TGM5: variants seen among roughly 807,000 people sequenced by gnomAD.
The protein encoded by TGM5 is protein-glutamine gamma-glutamyltransferase 5.
In TGM5, 69 loss-of-function variants were observed where a neutral mutation model predicts 77.2. That is an observed-to-expected ratio of 0.89 (90% CI 0.74 to 1.09). The LOEUF is 1.09. Ranked by LOEUF, TGM5 falls within the 50% of genes least tolerant of loss-of-function variation. The pLI is 0.00. For missense variants in TGM5, 842 were observed against 896.5 expected (o/e 0.94, Z 0.78); for synonymous variants, 346 against 351.8 (o/e 0.98, Z 0.18).
intron 1 of TGM5, among the ~76,000 whole-genome samples, chr15:43,262,652 G>C (rs1051642903): frequency 6.6e-6 from 1 of 152,130 alleles, no homozygotes; most frequent in Admixed American, 6.5e-5. Flanking sequence ...GGGCGTGGTG[G>C]TGGGCCCCTG....
Position 43,252,823 on chromosome 15 carries a change from G to C in TGM5, c.798C>G (p.Asn266Lys). 1 of 1,614,056 alleles carries C rather than the reference G, an allele frequency of 6.2e-7. No individual in the cohort carries two copies. ...TGSVAILKQW[N>K]ATGCQPVRYG... ...AGCGCACGGGCTGGCAGCCTGTGGCGTTCCACTGCTTCAGGATGGCCACGC... is the reference window on the plus strand; with the variant it reads ...AGCGCACGGGCTGGCAGCCTGTGGCCTTCCACTGCTTCAGGATGGCCACGC... The change falls in exon 6 of 13, where the codon AAC becomes AAG. Residue 266 changes from asparagine (N) to lysine (K), a missense_variant. Asn to Lys is a moderately conservative substitution (Grantham distance 94). Transcript: ENST00000220420.
intron 6 of TGM5, among the ~76,000 whole-genome samples, chr15:43,250,194 AGAT>A (rs765330260): frequency 6.6e-6 from 1 of 152,154 alleles, no homozygotes; most frequent in Non-Finnish European, 1.5e-5. Flanking sequence ...TGAAAAATGG[AGAT>A]GATAGGTCCC....
At chr15:43,258,166 C>T (rs186896359) in intron 3 of TGM5, among the ~76,000 whole-genome samples, 1 of 150,790 alleles carries the variant, frequency 6.6e-6, no homozygotes, top group South Asian at 2.1e-4. Flanking sequence ...CAACATGGCA[C>T]ATGTATACAT....
At chr15:43,241,931 C>T (rs905101746) in intron 6 of TGM5, among the ~76,000 whole-genome samples, 12 of 152,154 alleles carry the variant, frequency 7.9e-5, no homozygotes, top group African/African-American at 1.9e-4. Context: ...TGAGCCACCG[C>T]GCCCGGCCTC....
intron 11 of TGM5, 53 bp downstream of exon 11, chr15:43,234,716 C>T (rs2042574213): frequency 5.6e-6 from 9 of 1,612,652 alleles, no homozygotes; most frequent in South Asian, 2.2e-5. Context: ...GCTTCACCCC[C>T]TCCCCGCCAG....
chr15:43,263,785 C>G (rs2042806547), intron 1 of TGM5, among the ~76,000 whole-genome samples: 1 of 152,152 alleles, frequency 6.6e-6, no homozygotes, highest in Non-Finnish European at 1.5e-5. Flanking sequence ...AGCAGAAGTA[C>G]AAACAGTGAG....
rs774816496 is a variant in TGM5, at chr15:43,266,826, G to A, written c.10+14C>T. Reference sequence around the variant, plus strand: ...TTATCCCTGAACTCCAGTGGCCACAGGGGCTTTCCCTACCTTGGGCCATGG... The same window carrying A: ...TTATCCCTGAACTCCAGTGGCCACAAGGGCTTTCCCTACCTTGGGCCATGG... On this transcript the variant is annotated intron_variant, in intron 1 of 12. Transcript: ENST00000220420. The A allele has an allele frequency of 1.2e-6, 2 of 1,614,114 alleles. No individual in the cohort carries two copies. The highest frequency in any genetic ancestry group is 8.5e-7 in the Non-Finnish European group (1 of 1,179,998).
chr15:43,237,369 C>G (rs985713392), intron 9 of TGM5, among the ~76,000 whole-genome samples: 1 of 152,212 alleles, frequency 6.6e-6, no homozygotes, highest in Admixed American at 6.5e-5. Context: ...GCCCTCAACT[C>G]ATGACCAACA....
At chr15:43,265,676 TA>T (rs1440291122) in intron 1 of TGM5, among the ~76,000 whole-genome samples, 3 of 152,226 alleles carry the variant, frequency 2.0e-5, no homozygotes, top group African/African-American at 7.2e-5. Context: ...AAAGAACTTT[TA>T]AAGTAAGTGA....
chr15:43,241,122 C>T, intron 6 of TGM5, 132 bp from the exon 7 acceptor site: 1 of 1,193,874 alleles, frequency 8.4e-7, no homozygotes, highest in Non-Finnish European at 1.2e-6. Flanking sequence ...CTGTCTGGAA[C>T]ACTGGAATAG....
rs1213262932 is a variant in TGM5 at position 43,234,912 on chromosome 15, T to C, written c.1732A>G (p.Lys578Glu). The C allele has an allele frequency of 4.3e-6, 7 of 1,614,006 alleles. No individual in the cohort carries two copies. Among genetic ancestry groups the C allele is most frequent in the Non-Finnish European group, 5.9e-6 (7 of 1,179,988 alleles). ...SPKEAKTYPC[K>E]ISYSQYSQYL... Reference sequence around the variant, plus strand: ...TGGCTGTACTGGGAATAGGAGATTTTGCAGGGGTAGGTCTTTGCTAAAGAA... The same window carrying C: ...TGGCTGTACTGGGAATAGGAGATTTCGCAGGGGTAGGTCTTTGCTAAAGAA... The change falls in exon 11 of 13, where the codon AAA becomes GAA. Residue 578 changes from lysine (K) to glutamate (E), a missense_variant. This residue lies in a region of TGM5 where 815 missense variants were observed against 844.6 expected (regional missense o/e 0.96). Transcript: ENST00000220420.
At chr15:43,248,949 A>C (rs1437839558) in intron 6 of TGM5, among the ~76,000 whole-genome samples, 2 of 152,220 alleles carry the variant, frequency 1.3e-5, no homozygotes, top group African/African-American at 4.8e-5. Context: ...ACCAATCATA[A>C]GTGAGGATTT....
At chr15:43,253,459 TC>T in intron 5 of TGM5, 46 bp downstream of exon 5, 1 of 1,604,144 alleles carries the variant, frequency 6.2e-7, no homozygotes. Context: ...TGGGCAGGGC[TC>T]CCGCTGCACA....
Position 43,259,301 on chromosome 15 carries a change from TAGA to T in TGM5, c.436+748_436+750del, listed in dbSNP as rs1231611115. 3.3e-5 allele frequency among the ~76,000 whole-genome samples: 5 copies of T among 150,548 alleles called. No individual in the cohort carries two copies. The East Asian group carries it at 9.8e-4, about 29-fold the overall frequency. On this transcript the variant is annotated intron_variant, in intron 3 of 12. Coordinates refer to ENST00000220420, the MANE Select transcript of TGM5 (RefSeq NM_201631.4). ...GAGATATTCACTGTTACTTTGTCTA[TAGA>T]AGAAGAAGAAAAAAAAAAACCGGAA...
In TGM5 at chr15:43,260,249, G is replaced by C; in HGVS notation, c.239C>G (p.Ala80Gly). ...ALGTRAVFSL[A>G]RHHSPSPWIA... Reference sequence around the variant, plus strand: ...CCAGGGGCTGGGGCTGTGATGGCGTGCCAGGCTGAACACAGCCCGAGTCCC... The same window carrying C: ...CCAGGGGCTGGGGCTGTGATGGCGTCCCAGGCTGAACACAGCCCGAGTCCC... Residue 80 changes from alanine to glycine, a missense_variant, in exon 3 of 13, where the codon GCA becomes GGA. By Grantham distance (60) the Ala-to-Gly change is moderately conservative. Transcript: ENST00000220420. 1 of 1,613,944 alleles carries C rather than the reference G, an allele frequency of 6.2e-7. No individual in the cohort carries two copies. The highest frequency in any genetic ancestry group is 8.5e-7 in the Non-Finnish European group (1 of 1,180,026).
rs1450390581 is a variant in TGM5 at position 43,235,553 on chromosome 15, T to G, written c.1630A>C (p.Ser544Arg). The change falls in exon 10 of 13, where the codon AGT becomes CGT. Residue 544 changes from serine to arginine, a missense_variant. Coordinates refer to ENST00000220420, the MANE Select transcript of TGM5 (RefSeq NM_201631.4). Reference protein sequence around the residue: ...SQFKDLKVNLSAQSLLHDGSP... With the variant: ...SQFKDLKVNLRAQSLLHDGSP... ...CCATCGTGCAGCAGAGACTGGGCAC[T>G]CAGGTTCACTTTGAGGTCCTTGAAC... 4.3e-6 allele frequency: 7 copies of G among 1,614,192 alleles called. No individual in the cohort carries two copies. The highest frequency in any genetic ancestry group is 5.9e-6 in the Non-Finnish European group (7 of 1,180,038).
chr15:43,235,125 A>G (rs1283480831), intron 10 of TGM5, among the ~76,000 whole-genome samples, 196 bp from the exon 11 acceptor site: 3 of 152,206 alleles, frequency 2.0e-5, no homozygotes, highest in African/African-American at 4.8e-5. Flanking sequence ...CTGCTAGGAA[A>G]TGGGAGAGCT....
chr15:43,256,667 G>A lies in TGM5; in HGVS notation c.456C>T (p.Asp152=). The A allele has an allele frequency of 6.2e-7, 1 of 1,613,810 alleles. No individual in the cohort carries two copies. The highest frequency in any genetic ancestry group is 8.5e-7 in the Non-Finnish European group (1 of 1,179,754). Residue 152 remains aspartate (D), a synonymous_variant, in exon 4 of 13, where the codon GAC becomes GAT. Transcript: ENST00000220420. ...PWCPEDAVYL[D]SEPQRQEYVM... is the part of the protein sequence containing the mutation. ...CATACTCCTGCCTCTGGGGTTCACT[G>A]TCCAAGTAGACAGCATCCTCTAGGA...
intron 6 of TGM5, among the ~76,000 whole-genome samples, chr15:43,241,921 T>A (rs949179428): frequency 6.6e-6 from 1 of 152,176 alleles, no homozygotes; most frequent in Non-Finnish European, 1.5e-5. Flanking sequence ...ATTACAGGCG[T>A]GAGCCACCGC....
Sources: allele counts gnomAD v4.1 joint callset (sites outside exome capture counted in the v4.1 genomes callset), GRCh38; gene constraint gnomAD v4.1.1; regional missense constraint gnomAD v4.1.1; transcripts MANE v1.5; gene names NCBI Gene and HGNC (gene_info 2026-07-23, HGNC 2026-07-21).